The following MAML2 variants were observed in gnomAD, a reference collection of about 807,000 sequenced individuals.
MAML2 encodes mastermind like transcriptional coactivator 2, also known as mastermind-like protein 2.
MAML2 carries 22 observed loss-of-function variants against 96.1 expected under a neutral mutation model. The observed-to-expected ratio is 0.23, with a 90% CI of 0.16 to 0.33. The LOEUF (loss-of-function observed/expected upper bound fraction) is 0.33, where lower values mean the gene tolerates loss of function less well. Ranked by LOEUF, MAML2 falls within the 10% of genes least tolerant of loss-of-function variation. The pLI, the probability that MAML2 is intolerant of heterozygous loss-of-function variation, is 1.00. For synonymous variants in MAML2, 561 were observed against 521.3 expected, an observed-to-expected ratio of 1.08 and a Z score of -1.04; for missense variants, 1,367 against 1,392.4, an observed-to-expected ratio of 0.98 and a Z score of 0.29.
At chr11:96,001,426 GC>G (rs1342164280) in intron 2 of MAML2, among the ~76,000 whole-genome samples, 2 of 152,122 alleles carry the variant, frequency 1.3e-5, no homozygotes, top group Non-Finnish European at 2.9e-5. Context: ...CTATAAGTTG[GC>G]TTTTAGCTTT....
intron 2 of MAML2, among the ~76,000 whole-genome samples, chr11:96,073,954 T>C (rs1304067726): frequency 1.3e-5 from 2 of 152,196 alleles, no homozygotes; most frequent in African/African-American, 4.8e-5. Flanking sequence ...ATGCAAGGGA[T>C]TTACCAAACC....
intron 1 of MAML2, among the ~76,000 whole-genome samples, chr11:96,243,220 A>G (rs1862460981): frequency 6.6e-6 from 1 of 152,120 alleles, no homozygotes; most frequent in Non-Finnish European, 1.5e-5. Context: ...CCGCTTTTAA[A>G]TTCTGGAAAA....
In MAML2 at chr11:96,311,264, G is replaced by C. The variant is rs1863538587; in HGVS notation, c.513+30119C>G. On this transcript the variant is annotated intron_variant, in intron 1 of 4. Transcript: ENST00000524717. ...TCCTGGCATGCAGCAGAATCATGAA[G>C]GGAACAAAAGAAGTGAAAGAGTAGG... is the stretch of plus-strand genomic sequence containing the variant. Among the ~76,000 whole-genome samples, 6 of 152,320 alleles carry C rather than the reference G, an allele frequency of 3.9e-5. No individual in the cohort carries two copies. The South Asian group carries it at 1.2e-3, about 32-fold the overall frequency.
rs1160092932 is a variant in MAML2 at position 96,342,351 on chromosome 11, T to C, written c.-456A>G. On this transcript the variant is annotated 5_prime_UTR_variant, in exon 1 of 5. Transcript: ENST00000524717. The stretch of plus-strand genomic sequence containing the variant: ...TTAATAGAGAGGACTCCCCCTCACC[T>C]AGTTGTTTCCGACAATTCTTTATGG... 7 of 399,914 alleles carry C rather than the reference T, an allele frequency of 1.8e-5. No homozygotes were observed. Among genetic ancestry groups the C allele is most frequent in the Non-Finnish European group, 2.6e-5 (6 of 227,120 alleles). 24.8% of individuals were successfully genotyped at this position (399,914 alleles called of 1,614,324 possible). A position where few individuals can be genotyped will look rare whatever the true frequency, so the allele number is the denominator to read the frequency against.
intron 1 of MAML2, among the ~76,000 whole-genome samples, chr11:96,283,502 A>G (rs1228878099): frequency 6.6e-6 from 1 of 152,252 alleles, no homozygotes; most frequent in Non-Finnish European, 1.5e-5. Flanking sequence ...AAAAGTGAAA[A>G]TAAACACTAA....
At chr11:96,057,955 G>A (rs1168366660) in intron 2 of MAML2, among the ~76,000 whole-genome samples, 1 of 152,200 alleles carries the variant, frequency 6.6e-6, no homozygotes, top group African/African-American at 2.4e-5. Context: ...TTCACTGCAA[G>A]TTGTGCTTCC....
At chr11:96,234,280 G>A (rs575196398) in intron 1 of MAML2, among the ~76,000 whole-genome samples, 36 of 152,190 alleles carry the variant, frequency 2.4e-4, no homozygotes, top group Non-Finnish European at 3.4e-4. Context: ...TCAGGAGTTC[G>A]AGACCAGCCT....
intron 2 of MAML2, among the ~76,000 whole-genome samples, chr11:96,068,246 T>C (rs1473855200): frequency 6.6e-6 from 1 of 152,108 alleles, no homozygotes; most frequent in Admixed American, 6.5e-5. Context: ...AAAATAATTT[T>C]CCCCCTTATG....
chr11:95,997,106 G>A (rs1485987764), intron 2 of MAML2, among the ~76,000 whole-genome samples: 1 of 152,122 alleles, frequency 6.6e-6, no homozygotes, highest in African/African-American at 2.4e-5. Flanking sequence ...GTCAATGACT[G>A]GTTCAAATCA....
intron 1 of MAML2, among the ~76,000 whole-genome samples, chr11:96,325,679 C>T (rs78733701): frequency 0.029 from 4,455 of 152,086 alleles, 202 homozygotes; most frequent in African/African-American, 0.1. Context: ...CTTCACAAAC[C>T]GTACCTTTCA....
intron 1 of MAML2, among the ~76,000 whole-genome samples, chr11:96,297,668 A>G (rs1863322175): frequency 6.6e-6 from 1 of 152,260 alleles, no homozygotes; most frequent in Admixed American, 6.5e-5. Flanking sequence ...AATTTCAAAC[A>G]TACATAAATT....
chr11:96,167,979 G>A (rs1861219622), intron 1 of MAML2, among the ~76,000 whole-genome samples: 2 of 152,160 alleles, frequency 1.3e-5, no homozygotes. Context: ...CTGAGACTGT[G>A]AGCTCCTGCG....
chr11:96,126,909 G>T (rs201200267), intron 1 of MAML2, among the ~76,000 whole-genome samples: 45 of 151,990 alleles, frequency 3.0e-4, no homozygotes, highest in African/African-American at 1.0e-3. Flanking sequence ...TGGACATGGG[G>T]GGGGTCAAAT....
intron 2 of MAML2, among the ~76,000 whole-genome samples, chr11:96,091,129 A>G (rs138465874): frequency 6.6e-6 from 1 of 152,288 alleles, no homozygotes; most frequent in Non-Finnish European, 1.5e-5. Flanking sequence ...CCTCTGTTTT[A>G]TGTTAACCAA....
At chr11:96,311,020 G>GTATCA (rs1800538646) in intron 1 of MAML2, among the ~76,000 whole-genome samples, 2 of 152,284 alleles carry the variant, frequency 1.3e-5, no homozygotes, top group South Asian at 4.1e-4. Flanking sequence ...TACTTTACAT[G>GTATCA]TATCATCTCA....
At chr11:96,133,454 G>A (rs1296648828) in intron 1 of MAML2, among the ~76,000 whole-genome samples, 2 of 151,982 alleles carry the variant, frequency 1.3e-5, no homozygotes, top group Non-Finnish European at 2.9e-5. Context: ...TTCATGCATG[G>A]GAGTGGTAGC....
intron 1 of MAML2, among the ~76,000 whole-genome samples, chr11:96,241,988 C>T (rs544452147): frequency 6.2e-4 from 94 of 152,228 alleles, no homozygotes; most frequent in African/African-American, 2.0e-3. Context: ...GTTATGGTTA[C>T]TTGTTATATA....
intron 1 of MAML2, among the ~76,000 whole-genome samples, chr11:96,198,307 G>T (rs920332661): frequency 6.6e-6 from 1 of 152,208 alleles, no homozygotes; most frequent in Non-Finnish European, 1.5e-5. Context: ...CGTGTTGCCT[G>T]AAGTTAGGCT....
intron 1 of MAML2, among the ~76,000 whole-genome samples, chr11:96,141,367 T>A (rs920176463): frequency 2.0e-5 from 3 of 152,126 alleles, no homozygotes; most frequent in Non-Finnish European, 4.4e-5. Flanking sequence ...CCTTGACATC[T>A]CCCCTGAAAT....
Sources: allele counts gnomAD v4.1 joint callset (sites outside exome capture counted in the v4.1 genomes callset), GRCh38; gene constraint gnomAD v4.1.1; transcripts MANE v1.5; gene names NCBI Gene and HGNC (gene_info 2026-07-23, HGNC 2026-07-21).